Variants in ANKRD11 observed in about 807,000 individuals in gnomAD.
ANKRD11 encodes the protein ankyrin repeat domain-containing protein 11.
A neutral mutation model predicts 195.7 loss-of-function variants in ANKRD11; 17 were observed. The observed-to-expected ratio is 0.09, with a 90% CI of 0.06 to 0.13. ANKRD11 has a LOEUF of 0.13. Ranked by LOEUF, ANKRD11 falls within the 10% of genes least tolerant of loss-of-function variation. ANKRD11 has a pLI of 1.00. For synonymous variants in ANKRD11, 1,953 were observed against 1,528.1 expected (o/e 1.28, Z -6.49); for missense variants, 3,735 against 3,566.1 (o/e 1.05, Z -1.21).
chr16:89,359,877 T>C (rs1294185288), intron 2 of ANKRD11, among the ~76,000 whole-genome samples: 1 of 152,200 alleles, frequency 6.6e-6, no homozygotes, highest in East Asian at 1.9e-4. Flanking sequence ...GATGCCAAAA[T>C]CAGCATCACA....
intron 1 of ANKRD11, among the ~76,000 whole-genome samples, chr16:89,472,181 A>T (rs1437037949): frequency 6.6e-6 from 1 of 152,170 alleles, no homozygotes; most frequent in Non-Finnish European, 1.5e-5. Flanking sequence ...GCTGCTGTCA[A>T]CACTGCCCAA....
intron 1 of ANKRD11, among the ~76,000 whole-genome samples, chr16:89,446,062 TG>T (rs1431128957): frequency 6.6e-6 from 1 of 151,582 alleles, no homozygotes; most frequent in Non-Finnish European, 1.5e-5. Flanking sequence ...TATGAAGCTT[TG>T]TTTTGTTCTT....
chr16:89,489,555 C>T (rs1250959479), intron 1 of ANKRD11, among the ~76,000 whole-genome samples: 5 of 151,664 alleles, frequency 3.3e-5, no homozygotes, highest in Admixed American at 6.6e-5. Context: ...GCCGCCTGCT[C>T]TCATTTCAAA....
Position 89,280,863 on chromosome 16 carries a change from G to T in ANKRD11, c.5679C>A (p.Ser1893=). ...AAGGAACCAGCAGCTCGGCTCTGGGGGAAGGGGAAGGTTTTGCTTGTAAAC... is the reference window on the plus strand; with the variant it reads ...AAGGAACCAGCAGCTCGGCTCTGGGTGAAGGGGAAGGTTTTGCTTGTAAAC... ...FSSLQAKPSP[S]PRAELLVPSL... is the part of the protein sequence containing the mutation. Residue 1893 remains serine (S), a synonymous_variant, in exon 9 of 13, where the codon TCC becomes TCA. Coordinates refer to ENST00000301030, the MANE Select transcript of ANKRD11 (RefSeq NM_013275.6). 1.2e-6 allele frequency: 2 copies of T among 1,604,866 alleles called. No individual in the cohort carries two copies. The highest frequency in any genetic ancestry group is 8.5e-7 in the Non-Finnish European group (1 of 1,173,130).
At chr16:89,489,667 C>T (rs867100451) in intron 1 of ANKRD11, among the ~76,000 whole-genome samples, 1 of 151,990 alleles carries the variant, frequency 6.6e-6, no homozygotes, top group South Asian at 2.1e-4. Flanking sequence ...CCGCAGAACC[C>T]GGCGCCCGGC....
At chr16:89,276,275 C>T (rs190447820) in intron 9 of ANKRD11, among the ~76,000 whole-genome samples, 1 of 152,198 alleles carries the variant, frequency 6.6e-6, no homozygotes, top group Non-Finnish European at 1.5e-5. Flanking sequence ...TTAGCGGACA[C>T]AGGAGAGGGA....
Position 89,291,748 on chromosome 16 carries a change from GCAC to G in ANKRD11, c.227-568_227-566del. On this transcript the variant is annotated intron_variant, in intron 4 of 12. Transcript: ENST00000301030. The surrounding 1 kb of genome is among the most constrained non-coding windows in gnomAD (Gnocchi z 5.3). ...CTTCGAGGAGCGTACCAGCCTTGCA[GCAC>G]CACAACAGGGACTGGGCTGGAGGCA... The G allele has an allele frequency of 7.8e-7, 1 of 1,289,852 alleles. No homozygotes were observed. The highest frequency in any genetic ancestry group is 1.0e-6 in the Non-Finnish European group (1 of 988,878). The allele number at this position is 1,289,852 out of a possible 1,614,324, so 79.9% of individuals were successfully genotyped here. A position where few individuals can be genotyped will look rare whatever the true frequency, so the allele number is the denominator to read the frequency against.
rs2036994220 is a variant in ANKRD11 at position 89,316,917 on chromosome 16, G to A, written c.87+16C>T. On this transcript the variant is annotated intron_variant, in intron 3 of 12. Coordinates refer to ENST00000301030, the MANE Select transcript of ANKRD11 (RefSeq NM_013275.6). The stretch of plus-strand genomic sequence containing the variant: ...GGGTGCGGTGAGCATGCAGGGCTGG[G>A]AGGGGGCAGCATTACCTTTTTCCCA... 1 of 1,611,746 alleles carries A rather than the reference G, an allele frequency of 6.2e-7. No individual in the cohort carries two copies. The highest frequency in any genetic ancestry group is 1.3e-5 in the African/African-American group (1 of 74,868).
chr16:89,319,815 A>G (rs952196693), intron 2 of ANKRD11, among the ~76,000 whole-genome samples: 4 of 152,206 alleles, frequency 2.6e-5, no homozygotes, highest in African/African-American at 9.6e-5. Context: ...GTCTTTTTCA[A>G]TGAGAGACCA....
At chr16:89,398,325 G>GGTGAAGATTA (rs2041545228) in intron 2 of ANKRD11, among the ~76,000 whole-genome samples, 2 of 134,810 alleles carry the variant, frequency 1.5e-5, no homozygotes, top group Non-Finnish European at 1.6e-5. Flanking sequence ...CTGTGAAACA[G>GGTGAAGATTA]CTGAAGACTA....
At chr16:89,383,758 G>T (rs2040770036) in intron 2 of ANKRD11, among the ~76,000 whole-genome samples, 1 of 152,164 alleles carries the variant, frequency 6.6e-6, no homozygotes, top group Admixed American at 6.5e-5. Flanking sequence ...CAAAGCAGCA[G>T]ACGGAAAGCC....
Position 89,425,681 on chromosome 16 carries a change from A to AGTTATTT in ANKRD11, c.-144-7320_-144-7314dup, listed in dbSNP as rs140879274. 0.026 allele frequency among the ~76,000 whole-genome samples: 3,894 copies of AGTTATTT among 152,170 alleles called. 301 individuals are homozygous for AGTTATTT. The East Asian group carries it at 0.26, about 10-fold the overall frequency. On this transcript the variant is annotated intron_variant, in intron 1 of 12. Transcript: ENST00000301030. ...TTCGGGCTGGGGGCAGAGAAGGTGC[A>AGTTATTT]GTTATTTGTTTCCTGTTTCTGGTGT... is the stretch of plus-strand genomic sequence containing the variant.
rs954637801 is a variant in ANKRD11, at chr16:89,382,099, G to A, written c.-60+36185C>T. 1.4e-4 allele frequency among the ~76,000 whole-genome samples: 21 copies of A among 152,302 alleles called. No homozygotes were observed. In the East Asian group the frequency reaches 2.7e-3, roughly 20 times the overall value. On this transcript the variant is annotated intron_variant, in intron 2 of 12. Coordinates refer to ENST00000301030, the MANE Select transcript of ANKRD11 (RefSeq NM_013275.6). Reference sequence around the variant, plus strand: ...GGGCCCAGGCAGGCGCCACCAGAACGGGCGAGGGGGACGCGGCCTCCCAGC... The same window carrying A: ...GGGCCCAGGCAGGCGCCACCAGAACAGGCGAGGGGGACGCGGCCTCCCAGC...
At chr16:89,327,682 A>C (rs1451128249) in intron 2 of ANKRD11, among the ~76,000 whole-genome samples, 1 of 127,038 alleles carries the variant, frequency 7.9e-6, no homozygotes, top group Non-Finnish European at 1.6e-5. Flanking sequence ...ACATGCTAGC[A>C]ATAATCAAAT....
chr16:89,276,945 A>T (rs1315122453), intron 9 of ANKRD11, among the ~76,000 whole-genome samples: 1 of 151,052 alleles, frequency 6.6e-6, no homozygotes, highest in African/African-American at 2.4e-5. Flanking sequence ...AATCCCAGCT[A>T]CTCAGGAGGC....
At chr16:89,409,793 C>G (rs1317351934) in intron 2 of ANKRD11, among the ~76,000 whole-genome samples, 23 of 151,922 alleles carry the variant, frequency 1.5e-4, no homozygotes, top group Non-Finnish European at 8.8e-5. Flanking sequence ...CACATCTAAA[C>G]TGGCATCTTT....
At chr16:89,360,905 G>A (rs923272691) in intron 2 of ANKRD11, among the ~76,000 whole-genome samples, 1 of 152,148 alleles carries the variant, frequency 6.6e-6, no homozygotes, top group Non-Finnish European at 1.5e-5. Flanking sequence ...CAGAATCCAC[G>A]GTCTCTTGCC....
intron 2 of ANKRD11, among the ~76,000 whole-genome samples, chr16:89,349,967 T>C (rs141980189): frequency 1.1e-3 from 158 of 149,972 alleles, no homozygotes; most frequent in African/African-American, 3.8e-3. Flanking sequence ...CATAAAGAAC[T>C]CTCAAAAATC....
intron 1 of ANKRD11, among the ~76,000 whole-genome samples, chr16:89,454,972 C>T (rs1242982428): frequency 2.8e-5 from 3 of 107,542 alleles, no homozygotes; most frequent in Non-Finnish European, 5.6e-5. Flanking sequence ...CAAGCTGCTC[C>T]CCTGGGTGCT....
Sources: allele counts gnomAD v4.1 joint callset (sites outside exome capture counted in the v4.1 genomes callset), GRCh38; gene constraint gnomAD v4.1.1; non-coding constraint Gnocchi (gnomAD v3.1); transcripts MANE v1.5; gene names NCBI Gene and HGNC (gene_info 2026-07-23, HGNC 2026-07-21).